TSHZ2: variants seen among roughly 807,000 people sequenced by gnomAD.
TSHZ2 encodes teashirt homolog 2.
In TSHZ2, 21 loss-of-function variants were observed where a neutral mutation model predicts 74.4. That is an observed-to-expected ratio of 0.28 (90% CI 0.20 to 0.41). TSHZ2 has a LOEUF of 0.41. Among genes scored for constraint, TSHZ2 ranks in the 10% least tolerant of loss-of-function variants. TSHZ2 has a pLI of 1.00. For synonymous variants in TSHZ2, 540 were observed against 515.3 expected (o/e 1.05, Z -0.65); for missense variants, 1,244 against 1,293.5 (o/e 0.96, Z 0.59).
At chr20:53,084,435 C>T (rs1985628109) in intron 1 of TSHZ2, among the ~76,000 whole-genome samples, 1 of 152,280 alleles carries the variant, frequency 6.6e-6, no homozygotes, top group South Asian at 2.1e-4. Context: ...CTAGCTAAAA[C>T]TGAATGATGC....
intron 1 of TSHZ2, among the ~76,000 whole-genome samples, chr20:53,191,288 A>T (rs888005478): frequency 5.3e-5 from 8 of 152,184 alleles, no homozygotes; most frequent in African/African-American, 1.7e-4. Flanking sequence ...ATGAGTTTTC[A>T]TGGTCAGCCT....
chr20:52,992,427 C>G (rs1437251169), intron 1 of TSHZ2, among the ~76,000 whole-genome samples: 2 of 152,196 alleles, frequency 1.3e-5, no homozygotes, highest in African/African-American at 4.8e-5. Flanking sequence ...ATCTCAGAAG[C>G]AGGCTAGCAA....
chr20:53,194,349 G>A (rs1487258074), intron 1 of TSHZ2, among the ~76,000 whole-genome samples: 1 of 152,230 alleles, frequency 6.6e-6, no homozygotes, highest in Admixed American at 6.5e-5. Context: ...AATACCTCTA[G>A]TTGGCTTTTT....
chr20:53,169,692 T>C (rs1988147345), intron 1 of TSHZ2, among the ~76,000 whole-genome samples: 1 of 152,176 alleles, frequency 6.6e-6, no homozygotes, highest in South Asian at 2.1e-4. Context: ...CCCCTCCCCT[T>C]TTTAAACAGA....
chr20:53,269,119 A>G (rs1990776737), intron 2 of TSHZ2, among the ~76,000 whole-genome samples: 1 of 152,194 alleles, frequency 6.6e-6, no homozygotes, highest in Non-Finnish European at 1.5e-5. Context: ...GGATTAGGTC[A>G]GATAGTGTAC....
chr20:53,328,264 T>C (rs187130393), intron 2 of TSHZ2, among the ~76,000 whole-genome samples: 1 of 152,320 alleles, frequency 6.6e-6, no homozygotes, highest in African/African-American at 2.4e-5. Context: ...TAAACAGAAA[T>C]ATTTGAAATA....
rs1189242445 is a variant in TSHZ2 at position 53,063,987 on chromosome 20, A to C, written c.40+90654A>C. On this transcript the variant is annotated intron_variant, in intron 1 of 2. Transcript: ENST00000371497. Reference sequence around the variant, plus strand: ...GAAGCCTCAAGTTATATTTCTTAATAGCGATGCAGCAAATTACTATATCTA... The same window carrying C: ...GAAGCCTCAAGTTATATTTCTTAATCGCGATGCAGCAAATTACTATATCTA... Among the ~76,000 whole-genome samples, 4 of 152,312 alleles carry C rather than the reference A, an allele frequency of 2.6e-5. No individual in the cohort carries two copies. In the East Asian group the frequency reaches 7.7e-4, roughly 29 times the overall value.
chr20:53,274,549 C>T lies in TSHZ2; in HGVS notation c.*8+17978C>T, dbSNP rs139547781. Among the ~76,000 whole-genome samples the T allele has an allele frequency of 3.7e-3, 568 of 152,264 alleles. 2 individuals are homozygous for T. Among genetic ancestry groups the T allele is most frequent in the Non-Finnish European group, 6.6e-3 (451 of 68,022 alleles). ...CATCCCCGTGATTACTGAAATCTTG[C>T]GTAATTATTCAGTTTGCCAGCAGAG... On this transcript the variant is annotated intron_variant, in intron 2 of 2. Coordinates refer to ENST00000371497, the MANE Select transcript of TSHZ2 (RefSeq NM_173485.6).
rs750285740 is a variant in TSHZ2, at chr20:53,255,304, A to C, written c.1846A>C (p.Lys616Gln). 13 of 1,614,044 alleles carry C rather than the reference A, an allele frequency of 8.1e-6. No homozygotes were observed. The highest frequency in any genetic ancestry group is 1.0e-5 in the Non-Finnish European group (12 of 1,180,002). Residue 616 changes from lysine to glutamine, a missense_variant, in exon 2 of 3, where the codon AAA becomes CAA. Lys to Gln is a moderately conservative substitution (Grantham distance 53). Transcript: ENST00000371497. The surrounding 1 kb of genome is among the most constrained non-coding windows in gnomAD (Gnocchi z 4.1). ...AGATGAAGCGGTGAAGGAGTGTGGG[A>C]AAGAAAGTCCCCACGAAGAGGCCTC... ...DKDEAVKECGKESPHEEASSF... is the reference protein window; with the variant it reads ...DKDEAVKECGQESPHEEASSF...
chr20:53,167,494 C>T (rs1445502193), intron 1 of TSHZ2, among the ~76,000 whole-genome samples: 2 of 152,114 alleles, frequency 1.3e-5, no homozygotes, highest in Non-Finnish European at 2.9e-5. Flanking sequence ...AGTCACCAAG[C>T]TGTGCTGAGA....
At chr20:53,284,922 T>C (rs1389865318) in intron 2 of TSHZ2, among the ~76,000 whole-genome samples, 1 of 152,144 alleles carries the variant, frequency 6.6e-6, no homozygotes, top group Non-Finnish European at 1.5e-5. Flanking sequence ...ATCGTTTCAG[T>C]TCAGTGATAT....
At chr20:53,388,300 T>C (rs1035126864) in intron 2 of TSHZ2, among the ~76,000 whole-genome samples, 1 of 152,242 alleles carries the variant, frequency 6.6e-6, no homozygotes, top group South Asian at 2.1e-4. Context: ...TCATTCAAAC[T>C]CACATTTCTT....
intron 1 of TSHZ2, among the ~76,000 whole-genome samples, chr20:52,998,068 C>A (rs1982272296): frequency 6.6e-6 from 1 of 152,204 alleles, no homozygotes; most frequent in Non-Finnish European, 1.5e-5. Flanking sequence ...AGTTAGCCTA[C>A]CCTGAATGGT....
At chr20:53,358,426 C>T (rs758413140) in intron 2 of TSHZ2, among the ~76,000 whole-genome samples, 1 of 150,610 alleles carries the variant, frequency 6.6e-6, no homozygotes, top group Non-Finnish European at 1.5e-5. Flanking sequence ...CGGCAACTTC[C>T]GCCACTCAGG....
At chr20:53,190,656 T>G (rs892222091) in intron 1 of TSHZ2, among the ~76,000 whole-genome samples, 1 of 152,212 alleles carries the variant, frequency 6.6e-6, no homozygotes, top group Non-Finnish European at 1.5e-5. Context: ...TAGATTTTCA[T>G]AAGTGACATG....
chr20:53,375,900 T>C (rs1981640643), intron 2 of TSHZ2, among the ~76,000 whole-genome samples: 2 of 152,232 alleles, frequency 1.3e-5, no homozygotes, highest in Non-Finnish European at 2.9e-5. Context: ...TTATTTATTA[T>C]TTCAGCACAG....
chr20:53,150,877 TACTTACGTGGGA>T (rs1228110384), intron 1 of TSHZ2, among the ~76,000 whole-genome samples: 9 of 152,344 alleles, frequency 5.9e-5, no homozygotes, highest in Middle Eastern at 3.4e-3. Flanking sequence ...GGCTTAGGTA[TACTTACGTGGGA>T]AGGCCATCCT....
chr20:53,192,181 C>T (rs1303538422), intron 1 of TSHZ2, among the ~76,000 whole-genome samples: 1 of 151,332 alleles, frequency 6.6e-6, no homozygotes, highest in Non-Finnish European at 1.5e-5. Flanking sequence ...CTAATAAGCA[C>T]AAGAGGTTGA....
chr20:53,101,770 T>A (rs1986225408), intron 1 of TSHZ2, among the ~76,000 whole-genome samples: 1 of 152,202 alleles, frequency 6.6e-6, no homozygotes, highest in Non-Finnish European at 1.5e-5. Context: ...AACATGAAGG[T>A]TCAAATAGTT....
Sources: gnomAD v4.1 joint callset for allele counts (sites outside exome capture counted in the v4.1 genomes callset) on GRCh38, gnomAD v4.1.1 for gene constraint, Gnocchi (gnomAD v3.1) non-coding constraint, MANE v1.5 for transcripts, NCBI Gene and HGNC (gene_info 2026-07-23, HGNC 2026-07-21) for gene names.